PIBF1: variants seen among roughly 807,000 people sequenced by gnomAD.
PIBF1 encodes the protein progesterone immunomodulatory binding factor 1, also known as progesterone-induced-blocking factor 1.
In PIBF1, 90 loss-of-function variants were observed where a neutral mutation model predicts 112.5. The observed-to-expected ratio is 0.80, with a 90% CI of 0.67 to 0.95. The LOEUF (loss-of-function observed/expected upper bound fraction) is 0.95. Among genes scored for constraint, PIBF1 ranks in the 40% least tolerant of loss-of-function variants. The pLI is 0.00. For synonymous variants in PIBF1, 301 were observed against 288.6 expected (o/e 1.04, Z -0.44); for missense variants, 915 against 852.3 (o/e 1.07, Z -0.92).
Position 72,893,966 on chromosome 13 carries a change from T to C in PIBF1, c.1488+17T>C. On this transcript the variant is annotated intron_variant, in intron 11 of 17. Coordinates refer to ENST00000326291, the MANE Select transcript of PIBF1 (RefSeq NM_006346.4). ...AAATTGGAGGTACATGTACAAGCTT[T>C]TCTTTCAACATTAGCATGGCATGTA... The C allele has an allele frequency of 6.5e-7, 1 of 1,541,614 alleles. No individual in the cohort carries two copies. Among genetic ancestry groups the C allele is most frequent in the Non-Finnish European group, 8.8e-7 (1 of 1,138,320 alleles).
At chr13:72,912,745 A>T (rs1051817047) in intron 12 of PIBF1, among the ~76,000 whole-genome samples, 25 of 152,180 alleles carry the variant, frequency 1.6e-4, no homozygotes, top group Non-Finnish European at 5.9e-5. Context: ...TCAAACCATT[A>T]TACATTCATG....
At chr13:72,987,872 T>A (rs1288617143) in intron 16 of PIBF1, among the ~76,000 whole-genome samples, 2 of 123,110 alleles carry the variant, frequency 1.6e-5, no homozygotes, top group Admixed American at 8.3e-5. Flanking sequence ...TTTTTTTTTT[T>A]TTTTTTTTTG....
At chr13:72,793,362 C>T (rs2035030712) in intron 3 of PIBF1, among the ~76,000 whole-genome samples, 1 of 152,118 alleles carries the variant, frequency 6.6e-6, no homozygotes, top group Non-Finnish European at 1.5e-5. Flanking sequence ...TTTTTATCAG[C>T]CACTATCACA....
At chr13:72,814,703 A>G (rs2036186753) in intron 5 of PIBF1, among the ~76,000 whole-genome samples, 1 of 152,072 alleles carries the variant, frequency 6.6e-6, no homozygotes, top group Non-Finnish European at 1.5e-5. Flanking sequence ...GCTATGCCAA[A>G]GGAAAATCTG....
chr13:72,887,983 G>T (rs1474066630), intron 10 of PIBF1, among the ~76,000 whole-genome samples: 3 of 152,114 alleles, frequency 2.0e-5, no homozygotes, highest in African/African-American at 7.2e-5. Flanking sequence ...GACCGTGTTG[G>T]TATTGCTCAA....
In PIBF1 at chr13:72,952,035, C is replaced by CTTTTTTTTTTTT. The variant is rs67211238; in HGVS notation, c.1834-13233_1834-13222dup. Among the ~76,000 whole-genome samples, 400 of 122,878 alleles carry CTTTTTTTTTTTT rather than the reference C, an allele frequency of 3.3e-3. 1 individual carries two copies. Among genetic ancestry groups the CTTTTTTTTTTTT allele is most frequent in the Non-Finnish European group, 5.2e-3 (307 of 59,056 alleles). The allele number at this position is 122,878 out of a possible 152,430, so 80.6% of individuals were successfully genotyped here. On this transcript the variant is annotated intron_variant, in intron 14 of 17. Coordinates refer to ENST00000326291, the MANE Select transcript of PIBF1 (RefSeq NM_006346.4). Reference sequence around the variant, plus strand: ...AATTTCTTTCTTTCTTTTCTTTTCTCTTTTTTTTTTTTTTTTTGAGATGGA... The same window carrying CTTTTTTTTTTTT: ...AATTTCTTTCTTTCTTTTCTTTTCTCTTTTTTTTTTTTTTTTTTTTTTTTTTTTTGAGATGGA...
chr13:72,972,956 A>G (rs2042934616), intron 15 of PIBF1, among the ~76,000 whole-genome samples: 1 of 152,186 alleles, frequency 6.6e-6, no homozygotes, highest in African/African-American at 2.4e-5. Context: ...GTGTTGTAAT[A>G]GTTTGCTGAC....
At chr13:73,005,431 G>A (rs921894881) in intron 17 of PIBF1, among the ~76,000 whole-genome samples, 2 of 151,462 alleles carry the variant, frequency 1.3e-5, no homozygotes, top group African/African-American at 2.4e-5. Context: ...CCATGTTCAC[G>A]CCACTGCCCT....
intron 11 of PIBF1, among the ~76,000 whole-genome samples, chr13:72,906,222 T>A (rs757765985): frequency 5.9e-5 from 9 of 152,156 alleles, no homozygotes; most frequent in Non-Finnish European, 4.4e-5. Flanking sequence ...GATTATTTAT[T>A]TTTGCTTAAT....
At position 72,813,035 on chromosome 13, in the gene PIBF1, G is replaced by T. The variant is rs180860203; in HGVS notation, c.673-8814G>T. 9.5e-4 allele frequency among the ~76,000 whole-genome samples: 145 copies of T among 152,194 alleles called. 1 individual carries two copies. The highest frequency in any genetic ancestry group is 3.2e-3 in the African/African-American group (133 of 41,520). On this transcript the variant is annotated intron_variant, in intron 5 of 17. Transcript: ENST00000326291. ...GGTATTTCAGCCAAATAAAGGCCAG[G>T]TGCTATCATGCATCACTGTATGAAT...
chr13:72,843,000 T>A (rs1217378386), intron 9 of PIBF1, among the ~76,000 whole-genome samples: 1 of 152,210 alleles, frequency 6.6e-6, no homozygotes, highest in Non-Finnish European at 1.5e-5. Context: ...CAAGGTAAGT[T>A]CAGGTTGCAT....
At chr13:72,941,651 TGGC>T (rs1173230644) in intron 14 of PIBF1, among the ~76,000 whole-genome samples, 1 of 152,190 alleles carries the variant, frequency 6.6e-6, no homozygotes, top group Non-Finnish European at 1.5e-5. Flanking sequence ...AGTAACCACA[TGGC>T]AAGGTTTAGC....
At chr13:72,965,533 T>C in intron 15 of PIBF1, 129 bp downstream of exon 15, 1 of 696,864 alleles carries the variant, frequency 1.4e-6, no homozygotes, top group Admixed American at 3.2e-5. Flanking sequence ...ATGTAATGAA[T>C]ATTAAACTTT....
chr13:72,808,638 A>C (rs1349424428), intron 5 of PIBF1, among the ~76,000 whole-genome samples: 1 of 151,952 alleles, frequency 6.6e-6, no homozygotes, highest in Non-Finnish European at 1.5e-5. Context: ...TCTGTCCTAC[A>C]CATATGTTGT....
chr13:72,817,098 G>T (rs1042982973), intron 5 of PIBF1, among the ~76,000 whole-genome samples: 7 of 152,194 alleles, frequency 4.6e-5, no homozygotes, highest in African/African-American at 1.7e-4. Flanking sequence ...TCACTGAACT[G>T]CTGTCCAATG....
At chr13:72,806,211 C>T (rs2035721404) in intron 5 of PIBF1, among the ~76,000 whole-genome samples, 1 of 152,130 alleles carries the variant, frequency 6.6e-6, no homozygotes, top group African/African-American at 2.4e-5. Context: ...CCTCTCCCCT[C>T]CCCCAGTCAT....
intron 5 of PIBF1, among the ~76,000 whole-genome samples, chr13:72,799,733 A>G (rs1277453851): frequency 6.6e-6 from 1 of 152,212 alleles, no homozygotes; most frequent in Non-Finnish European, 1.5e-5. Flanking sequence ...AGAGGCAGTT[A>G]GACAAGGTCT....
At chr13:72,851,904 G>A (rs1434028290) in intron 9 of PIBF1, among the ~76,000 whole-genome samples, 3 of 152,140 alleles carry the variant, frequency 2.0e-5, no homozygotes, top group Admixed American at 1.3e-4. Flanking sequence ...TGCCTGCAGA[G>A]AGAATCTACC....
At chr13:72,947,055 C>G (rs956551481) in intron 14 of PIBF1, among the ~76,000 whole-genome samples, 1 of 152,234 alleles carries the variant, frequency 6.6e-6, no homozygotes, top group Admixed American at 6.5e-5. Context: ...ACTGCCCTAG[C>G]AGAGGTTCTC....
Sources: gnomAD v4.1 joint callset for allele counts (sites outside exome capture counted in the v4.1 genomes callset) on GRCh38, gnomAD v4.1.1 for gene constraint, MANE v1.5 for transcripts, NCBI Gene and HGNC (gene_info 2026-07-23, HGNC 2026-07-21) for gene names.